The following RECQL variants were observed in gnomAD, a reference collection of about 807,000 sequenced individuals.
The protein encoded by RECQL is RecQ like helicase.
A neutral mutation model predicts 75.8 loss-of-function variants in RECQL; 73 were observed. The ratio of observed to expected loss-of-function variants is 0.96; its 90% CI spans 0.80 to 1.17. RECQL has a LOEUF of 1.17. Among genes scored for constraint, RECQL ranks in the 50% most tolerant of loss-of-function variants. RECQL has a pLI of 0.00. For synonymous variants in RECQL, 248 were observed against 254.4 expected, an observed-to-expected ratio of 0.97 and a Z score of 0.24; for missense variants, 699 against 772.1, an observed-to-expected ratio of 0.91 and a Z score of 1.12.
At position 21,470,338 on chromosome 12, in the gene RECQL, C is replaced by T. The variant is rs1470698311; in HGVS notation, c.1806G>A (p.Ser602=). The part of the protein sequence containing the change: ...KSTQNSFRAE[S]SQTCHSEQGD... Reference sequence around the variant, plus strand: ...CTTGTTCAGAATGACAAGTTTGAGACGATTCAGCCTACAAAAAAAAAAAAA... The same window carrying T: ...CTTGTTCAGAATGACAAGTTTGAGATGATTCAGCCTACAAAAAAAAAAAAA... The change falls in exon 15 of 15, where the codon TCG becomes TCA. Residue 602 remains serine, a synonymous_variant. Transcript: ENST00000444129. 34 of 1,394,518 alleles carry T rather than the reference C, an allele frequency of 2.4e-5. No homozygotes were observed. Among genetic ancestry groups the T allele is most frequent in the Middle Eastern group, 2.2e-4 (1 of 4,478 alleles). 86.4% of individuals were successfully genotyped at this position (1,394,518 alleles called of 1,614,324 possible).
chr12:21,473,495 T>G (rs1303515580), intron 12 of RECQL, 56 bp downstream of exon 12: 4 of 1,299,378 alleles, frequency 3.1e-6, no homozygotes, highest in Non-Finnish European at 4.4e-6. Flanking sequence ...CGTATCTCTG[T>G]CACTAGGCAT....
chr12:21,473,167 G>A (rs918449726), intron 12 of RECQL, among the ~76,000 whole-genome samples: 7 of 151,984 alleles, frequency 4.6e-5, no homozygotes, highest in South Asian at 4.2e-4. Context: ...TATTTTGGTC[G>A]GTGATGGACC....
At position 21,474,869 on chromosome 12, in the gene RECQL, T is replaced by C; in HGVS notation, c.1327A>G (p.Met443Val). ...CTTATGTTTTGACAGTATGATACCATCTCATAAAGCTTCTGCTGTCCCACA... is the reference window on the plus strand; with the variant it reads ...CTTATGTTTTGACAGTATGATACCACCTCATAAAGCTTCTGCTGTCCCACA... ...ENVGQQKLYEMVSYCQNISKC... is the reference protein window; with the variant it reads ...ENVGQQKLYEVVSYCQNISKC... The change falls in exon 11 of 15, where the codon ATG becomes GTG. Residue 443 changes from methionine (M) to valine (V), a missense_variant. Met to Val is a conservative substitution (Grantham distance 21). This residue lies in a region of RECQL where 669 missense variants were observed against 713.5 expected (regional missense o/e 0.94). Coordinates refer to ENST00000444129, the MANE Select transcript of RECQL (RefSeq NM_002907.4). 1 of 1,613,112 alleles carries C rather than the reference T, an allele frequency of 6.2e-7. No homozygotes were observed. The highest frequency in any genetic ancestry group is 1.3e-5 in the African/African-American group (1 of 75,018).
rs769541912 is a variant in RECQL at position 21,491,568 on chromosome 12, G to A, written c.165C>T (p.Ala55=). 1.2e-5 allele frequency: 20 copies of A among 1,611,162 alleles called. No individual in the cohort carries two copies. The highest frequency in any genetic ancestry group is 8.9e-5 in the East Asian group (4 of 44,836). ...KIKQCLEDSD[A]GASNEYDSSP... is the part of the protein sequence containing the mutation. ...AAGAATCATATTCATTGCTTGCCCC[G>A]GCATCAGAATCCTCTAAACACTGCT... Residue 55 remains alanine (A), a synonymous_variant, in exon 3 of 15, where the codon GCC becomes GCT. Coordinates refer to ENST00000444129, the MANE Select transcript of RECQL (RefSeq NM_002907.4).
chr12:21,497,042 T>A (rs1011682507), intron 2 of RECQL, among the ~76,000 whole-genome samples: 1 of 152,232 alleles, frequency 6.6e-6, no homozygotes, highest in Non-Finnish European at 1.5e-5. Flanking sequence ...CAGAGAACTA[T>A]TACCCTTTCA....
At chr12:21,480,267 C>T (rs538776562) in intron 6 of RECQL, among the ~76,000 whole-genome samples, 1 of 152,174 alleles carries the variant, frequency 6.6e-6, no homozygotes, top group South Asian at 2.1e-4. Context: ...AGGGAAGTAA[C>T]ATGATTTGAT....
chr12:21,493,644 A>G (rs1222665678), intron 2 of RECQL, among the ~76,000 whole-genome samples: 3 of 152,228 alleles, frequency 2.0e-5, no homozygotes, highest in Non-Finnish European at 4.4e-5. Context: ...GGAGGGGAAC[A>G]TAAGGGCAGA....
At chr12:21,474,803 T>C (rs765622924) in intron 11 of RECQL, 38 bp downstream of exon 11, 2 of 1,588,526 alleles carry the variant, frequency 1.3e-6, no homozygotes, top group South Asian at 2.2e-5. Context: ...TCATATTTGC[T>C]TTAATTGATA....
At chr12:21,487,811 C>T (rs58036138) in intron 4 of RECQL, among the ~76,000 whole-genome samples, 23,672 of 152,026 alleles carry the variant, frequency 0.16, 2,189 homozygotes, top group Middle Eastern at 0.27. Flanking sequence ...CTTTCTTTGC[C>T]GCCATGTGAG....
At chr12:21,496,615 C>T (rs544059999) in intron 2 of RECQL, among the ~76,000 whole-genome samples, 1 of 152,322 alleles carries the variant, frequency 6.6e-6, no homozygotes, top group East Asian at 1.9e-4. Flanking sequence ...AAGAGAGACA[C>T]TTGCCAGAGG....
At chr12:21,492,557 G>C (rs543903673) in intron 2 of RECQL, among the ~76,000 whole-genome samples, 1 of 152,226 alleles carries the variant, frequency 6.6e-6, no homozygotes, top group Non-Finnish European at 1.5e-5. Context: ...ATCATCCCTT[G>C]TATCAACCCT....
intron 10 of RECQL, 96 bp downstream of exon 10, chr12:21,475,372 C>T (rs973679652): frequency 7.8e-6 from 6 of 772,604 alleles, no homozygotes; most frequent in Non-Finnish European, 1.3e-5. Context: ...AAATACTATC[C>T]AATAAAGATA....
At chr12:21,472,275 G>A (rs1942988386) in intron 12 of RECQL, among the ~76,000 whole-genome samples, 1 of 152,020 alleles carries the variant, frequency 6.6e-6, no homozygotes, top group Non-Finnish European at 1.5e-5. Context: ...CCAAAATGCT[G>A]CAGGCAAATC....
intron 6 of RECQL, among the ~76,000 whole-genome samples, 198 bp from the exon 7 acceptor site, chr12:21,478,167 AC>A (rs1943122441): frequency 6.6e-6 from 1 of 152,286 alleles, no homozygotes; most frequent in African/African-American, 2.4e-5. Context: ...ACTCTTGGTC[AC>A]GGTGGACTCA....
chr12:21,485,549 TAA>T (rs1005937028), intron 5 of RECQL, among the ~76,000 whole-genome samples: 1 of 151,410 alleles, frequency 6.6e-6, no homozygotes, highest in African/African-American at 2.4e-5. Context: ...TATTTTTTTT[TAA>T]AAAAAACATA....
In RECQL at chr12:21,486,512, A is replaced by G; in HGVS notation, c.468T>C (p.Ile156=). 6.2e-7 allele frequency: 1 copy of G among 1,604,202 alleles called. No individual in the cohort carries two copies. The highest frequency in any genetic ancestry group is 1.3e-5 in the African/African-American group (1 of 74,296). The change falls in exon 5 of 15, where the codon ATT becomes ATC. Residue 156 remains isoleucine, a synonymous_variant. Transcript: ENST00000444129. ...TAGAAGCATTTAACATGGTTGCTGAAATTCCTAATTGTTTTAAAACCATTA... is the reference window on the plus strand; with the variant it reads ...TAGAAGCATTTAACATGGTTGCTGAGATTCCTAATTGTTTTAAAACCATTA... ...DQLMVLKQLG[I]SATMLNASSS...
At chr12:21,471,195 A>C (rs1942950345) in intron 13 of RECQL, 97 bp from the exon 14 acceptor site, 1 of 1,214,152 alleles carries the variant, frequency 8.2e-7, no homozygotes, top group Non-Finnish European at 1.1e-6. Flanking sequence ...AATTCTTAAC[A>C]CATTGACTTG....
chr12:21,469,032 A>G lies in RECQL; in HGVS notation c.*1162T>C. 3.5e-6 allele frequency: 1 copy of G among 284,748 alleles called. No individual in the cohort carries two copies. Among genetic ancestry groups the G allele is most frequent in the Middle Eastern group, 1.2e-3 (1 of 820 alleles). The allele number at this position is 284,748 out of a possible 1,614,324, so 17.6% of individuals were successfully genotyped here. ...TTAAACATAAATATGTTTACTTGTG[A>G]TTTAGCTTTGGAGCAAATTTAGGTA... On this transcript the variant is annotated 3_prime_UTR_variant, in exon 15 of 15. Transcript: ENST00000444129.
intron 5 of RECQL, among the ~76,000 whole-genome samples, chr12:21,484,562 C>T (rs1475576305): frequency 6.6e-6 from 1 of 152,026 alleles, no homozygotes; most frequent in African/African-American, 2.4e-5. Context: ...ACTAAAGGAA[C>T]CAGGGCTTCT....
Sources: allele counts gnomAD v4.1 joint callset (sites outside exome capture counted in the v4.1 genomes callset), GRCh38; gene constraint gnomAD v4.1.1; regional missense constraint gnomAD v4.1.1; transcripts MANE v1.5; gene names NCBI Gene and HGNC (gene_info 2026-07-23, HGNC 2026-07-21).